The following TMEM132B variants were observed in gnomAD, a reference collection of about 807,000 sequenced individuals.
TMEM132B encodes transmembrane protein 132B.
A neutral mutation model predicts 90.8 loss-of-function variants in TMEM132B; 18 were observed. The ratio of observed to expected loss-of-function variants is 0.20; its 90% CI spans 0.14 to 0.29. The LOEUF (loss-of-function observed/expected upper bound fraction) is 0.29, where lower values mean the gene tolerates loss of function less well. Ranked by LOEUF, TMEM132B falls within the 10% of genes least tolerant of loss-of-function variation. The probability of loss-of-function intolerance (pLI) is 1.00; values close to 1 mark genes in which losing one functional copy is unlikely to be tolerated. For synonymous variants in TMEM132B, 504 were observed against 523.3 expected (o/e 0.96, Z 0.50); for missense variants, 1,096 against 1,326.8 (o/e 0.83, Z 2.70).
chr12:125,597,338 G>A (rs186545521), intron 5 of TMEM132B, among the ~76,000 whole-genome samples: 23 of 152,210 alleles, frequency 1.5e-4, no homozygotes, highest in Admixed American at 6.5e-4. Flanking sequence ...TGCCATTTTC[G>A]TGCTGTGTTA....
chr12:125,266,526 G>C (rs1874700643), intron 1 of TMEM132B, among the ~76,000 whole-genome samples: 1 of 152,172 alleles, frequency 6.6e-6, no homozygotes, highest in Non-Finnish European at 1.5e-5. Context: ...GAATGGCATG[G>C]AAGCAAGTCT....
chr12:125,242,729 T>C (rs1874101906), intron 1 of TMEM132B, among the ~76,000 whole-genome samples: 1 of 152,220 alleles, frequency 6.6e-6, no homozygotes, highest in Non-Finnish European at 1.5e-5. Context: ...CTTCAAGATC[T>C]CCTGTTCTCT....
chr12:125,639,543 G>T (rs947318050), intron 5 of TMEM132B, among the ~76,000 whole-genome samples: 14 of 152,376 alleles, frequency 9.2e-5, no homozygotes, highest in Middle Eastern at 3.4e-3. Flanking sequence ...TTCTGAAGCA[G>T]ATTACCATCA....
chr12:125,279,207 G>A (rs1259428662), intron 1 of TMEM132B, among the ~76,000 whole-genome samples: 1 of 152,196 alleles, frequency 6.6e-6, no homozygotes, highest in African/African-American at 2.4e-5. Flanking sequence ...GTCTATACAA[G>A]GCCATTGCCA....
intron 1 of TMEM132B, among the ~76,000 whole-genome samples, chr12:125,222,743 C>A (rs1222377763): frequency 6.6e-6 from 1 of 152,214 alleles, no homozygotes; most frequent in African/African-American, 2.4e-5. Flanking sequence ...ATGTTCAGCA[C>A]CATCCCTGGC....
intron 2 of TMEM132B, among the ~76,000 whole-genome samples, chr12:125,400,133 A>G (rs1879276100): frequency 6.6e-6 from 1 of 152,248 alleles, no homozygotes; most frequent in Non-Finnish European, 1.5e-5. Flanking sequence ...AAGGTAACAC[A>G]TGAGATCAAG....
intron 1 of TMEM132B, among the ~76,000 whole-genome samples, chr12:125,344,837 T>C (rs1877304366): frequency 1.1e-5 from 1 of 94,094 alleles, no homozygotes; most frequent in African/African-American, 2.8e-5. Context: ...GAGAACTATG[T>C]GAAAACAGCA....
At chr12:125,210,055 C>T (rs776392814) in intron 1 of TMEM132B, among the ~76,000 whole-genome samples, 4 of 152,210 alleles carry the variant, frequency 2.6e-5, no homozygotes, top group Non-Finnish European at 4.4e-5. Flanking sequence ...TCAGCTCTTG[C>T]AGGGTGGACA....
intron 1 of TMEM132B, among the ~76,000 whole-genome samples, chr12:125,225,162 C>T (rs902187618): frequency 1.2e-4 from 18 of 152,146 alleles, no homozygotes; most frequent in African/African-American, 4.1e-4. Context: ...TGAGGATGAA[C>T]AAAGTTCTGG....
At chr12:125,299,623 C>A (rs74745551) in intron 1 of TMEM132B, among the ~76,000 whole-genome samples, 5,680 of 152,294 alleles carry the variant, frequency 0.037, 327 homozygotes, top group African/African-American at 0.13. Context: ...GAAGCAGCAC[C>A]TCATTGCTCC....
At position 125,460,624 on chromosome 12, in the gene TMEM132B, A is replaced by C. The variant is rs1392622513; in HGVS notation, c.1106+44947A>C. On this transcript the variant is annotated intron_variant, in intron 3 of 8. Coordinates refer to ENST00000682704, the MANE Select transcript of TMEM132B (RefSeq NM_001366854.1). The surrounding 1 kb of genome is among the most constrained non-coding windows in gnomAD (Gnocchi z 4.4). ...TTCAACAGTACTGCTCAACCGTTTG[A>C]GTATCTGCGGCCTTTTCATTGTTCT... is the stretch of plus-strand genomic sequence containing the variant. Among the ~76,000 whole-genome samples, 1 of 152,214 alleles carries C rather than the reference A, an allele frequency of 6.6e-6. No individual in the cohort carries two copies. The highest frequency in any genetic ancestry group is 2.4e-5 in the African/African-American group (1 of 41,456).
At chr12:125,207,159 A>G (rs1036350606) in intron 1 of TMEM132B, among the ~76,000 whole-genome samples, 3 of 152,364 alleles carry the variant, frequency 2.0e-5, no homozygotes, top group South Asian at 4.1e-4. Context: ...AAGAGCTAGA[A>G]GATTTAATAT....
At chr12:125,240,082 G>A (rs891203205) in intron 1 of TMEM132B, among the ~76,000 whole-genome samples, 3 of 152,228 alleles carry the variant, frequency 2.0e-5, no homozygotes, top group Non-Finnish European at 4.4e-5. Flanking sequence ...TTGCAGGGTC[G>A]TTTCCGGAAC....
At chr12:125,574,522 A>G (rs1223266842) in intron 4 of TMEM132B, among the ~76,000 whole-genome samples, 1 of 152,116 alleles carries the variant, frequency 6.6e-6, no homozygotes, top group Non-Finnish European at 1.5e-5. Flanking sequence ...CTAAGATTCA[A>G]CTGACTCTAC....
At chr12:125,621,667 A>G (rs1169962423) in intron 5 of TMEM132B, among the ~76,000 whole-genome samples, 1 of 152,174 alleles carries the variant, frequency 6.6e-6, no homozygotes, top group Non-Finnish European at 1.5e-5. Flanking sequence ...AGTAACAACT[A>G]TGACTTGATT....
Position 125,405,896 on chromosome 12 carries a change from C to G in TMEM132B, c.960-9635C>G, listed in dbSNP as rs545838231. On this transcript the variant is annotated intron_variant, in intron 2 of 8. Transcript: ENST00000682704. ...AATCCACAAATATTCCTGAGTGGCG[C>G]TAGGATGCACATGGCTGCTGGCATC... Among the ~76,000 whole-genome samples the G allele has an allele frequency of 2.6e-5, 4 of 152,264 alleles. No homozygotes were observed. In the South Asian group the frequency reaches 8.3e-4, roughly 32 times the overall value.
chr12:125,284,821 C>T (rs976983575), intron 1 of TMEM132B, among the ~76,000 whole-genome samples: 2 of 152,150 alleles, frequency 1.3e-5, no homozygotes, highest in Admixed American at 6.6e-5. Context: ...TTCAGGTGCA[C>T]GAACCATGTC....
At chr12:125,325,808 GTTC>G (rs748198611) in intron 1 of TMEM132B, among the ~76,000 whole-genome samples, 5 of 152,052 alleles carry the variant, frequency 3.3e-5, no homozygotes, top group Non-Finnish European at 5.9e-5. Context: ...TCTAGTGAGA[GTTC>G]TTCTTTCTCT....
At chr12:125,423,371 G>A (rs184264299) in intron 3 of TMEM132B, among the ~76,000 whole-genome samples, 195 of 152,170 alleles carry the variant, frequency 1.3e-3, no homozygotes, top group Non-Finnish European at 2.2e-3. Flanking sequence ...CGTGCACAGG[G>A]CACCCGCCTG....
Sources: gnomAD v4.1 joint callset for allele counts (sites outside exome capture counted in the v4.1 genomes callset) on GRCh38, gnomAD v4.1.1 for gene constraint, Gnocchi (gnomAD v3.1) non-coding constraint, MANE v1.5 for transcripts, NCBI Gene and HGNC (gene_info 2026-07-23, HGNC 2026-07-21) for gene names.